Variants in TRIM23 observed in about 807,000 individuals in gnomAD.
TRIM23 encodes the protein tripartite motif containing 23, also known as E3 ubiquitin-protein ligase TRIM23.
Under a neutral mutation model 71.0 loss-of-function variants are expected in TRIM23, and 27 were observed. That is an observed-to-expected ratio of 0.38 (90% confidence interval 0.28 to 0.52). The LOEUF is 0.52. Ranked by LOEUF, TRIM23 falls within the 20% of genes least tolerant of loss-of-function variation. The pLI is 0.84. For missense variants in TRIM23, 482 were observed against 692.3 expected (o/e 0.70, Z 3.41); for synonymous variants, 234 against 238.0 (o/e 0.98, Z 0.16).
chr5:65,591,549 TTC>T lies in TRIM23; in HGVS notation c.*218_*219del. 1 of 1,445,218 alleles carries T rather than the reference TTC, an allele frequency of 6.9e-7. No individual in the cohort carries two copies. Among genetic ancestry groups the T allele is most frequent in the Non-Finnish European group, 9.2e-7 (1 of 1,082,502 alleles). 89.5% of individuals were successfully genotyped at this position (1,445,218 alleles called of 1,614,324 possible). A position where few individuals can be genotyped will look rare whatever the true frequency, so the allele number is the denominator to read the frequency against. ...TTAAAAGAATGTATATTCAATAAGT[TTC>T]TATTTAATTCAATCTAATCTGCTCA... On this transcript the variant is annotated 3_prime_UTR_variant, in exon 11 of 11. Transcript: ENST00000231524.
rs1395468240 is a variant in TRIM23 at position 65,617,522 on chromosome 5, A to T, written c.244+571T>A. 3.9e-5 allele frequency among the ~76,000 whole-genome samples: 6 copies of T among 152,228 alleles called. No individual in the cohort carries two copies. In the East Asian group the frequency reaches 1.2e-3, roughly 29 times the overall value. On this transcript the variant is annotated intron_variant, in intron 2 of 10. Transcript: ENST00000231524. Reference sequence around the variant, plus strand: ...ATGTTAGTAAATGCTATTATTTCCAAATCTGGTATCTGAAAATAACTTAGT... The same window carrying T: ...ATGTTAGTAAATGCTATTATTTCCATATCTGGTATCTGAAAATAACTTAGT...
In TRIM23 at chr5:65,597,060, G is replaced by T; in HGVS notation, c.1300C>A (p.Pro434Thr). The T allele has an allele frequency of 1.2e-6, 2 of 1,613,940 alleles. No individual in the cohort carries two copies. Among genetic ancestry groups the T allele is most frequent in the Non-Finnish European group, 1.7e-6 (2 of 1,179,926 alleles). The part of the protein sequence containing the change: ...LKQDEFMQPI[P>T]TIGFNVETVE... ...CAATATTCATACTTACCAATTGTTG[G>T]AATGGGCTGCATGAATTCATCCTGT... The change falls in exon 8 of 11, where the codon CCA becomes ACA. Residue 434 changes from proline (P) to threonine (T), a missense_variant. This residue lies in a region of TRIM23 where 307 missense variants were observed against 495.8 expected (regional missense o/e 0.62). Transcript: ENST00000231524.
intron 7 of TRIM23, among the ~76,000 whole-genome samples, chr5:65,598,184 T>C (rs1303152572): frequency 6.6e-6 from 1 of 152,200 alleles, no homozygotes; most frequent in South Asian, 2.1e-4. Flanking sequence ...TTAATTACCA[T>C]GTATATTATG....
chr5:65,598,992 A>C (rs985152151), intron 7 of TRIM23, among the ~76,000 whole-genome samples: 4 of 152,200 alleles, frequency 2.6e-5, no homozygotes, highest in Non-Finnish European at 5.9e-5. Context: ...CCATATAAGA[A>C]ATGCCCACAG....
Position 65,617,929 on chromosome 5 carries a change from A to G in TRIM23, c.244+164T>C, listed in dbSNP as rs117121111. Among the ~76,000 whole-genome samples the G allele has an allele frequency of 2.8e-4, 43 of 152,356 alleles. 1 individual carries two copies. In the East Asian group the frequency reaches 8.1e-3, roughly 29 times the overall value. ...TAAAATTAGTAACTAAGAGTGAGAT[A>G]GTTTATAGCTTGAAGATTATTGACC... On this transcript the variant is annotated intron_variant, in intron 2 of 10. Coordinates refer to ENST00000231524, the MANE Select transcript of TRIM23 (RefSeq NM_001656.4).
chr5:65,591,192 T>G lies in TRIM23; in HGVS notation c.*577A>C. On this transcript the variant is annotated 3_prime_UTR_variant, in exon 11 of 11. Coordinates refer to ENST00000231524, the MANE Select transcript of TRIM23 (RefSeq NM_001656.4). Reference sequence around the variant, plus strand: ...AAAACACTATATAAAGTATTAATTTTCTGTACCTTATAGTTCTTAGCATTA... The same window carrying G: ...AAAACACTATATAAAGTATTAATTTGCTGTACCTTATAGTTCTTAGCATTA... 1 of 1,153,362 alleles carries G rather than the reference T, an allele frequency of 8.7e-7. No individual in the cohort carries two copies. The highest frequency in any genetic ancestry group is 1.1e-6 in the Non-Finnish European group (1 of 936,082). The allele number at this position is 1,153,362 out of a possible 1,614,324, so 71.4% of individuals were successfully genotyped here.
chr5:65,604,010 C>A (rs1417085091), intron 7 of TRIM23, among the ~76,000 whole-genome samples: 23 of 150,374 alleles, frequency 1.5e-4, no homozygotes, highest in Non-Finnish European at 1.5e-5. Context: ...CCAGGCTGGT[C>A]TTGAAGTCTT....
At chr5:65,610,646 G>C (rs1409489397) in intron 5 of TRIM23, among the ~76,000 whole-genome samples, 3 of 152,124 alleles carry the variant, frequency 2.0e-5, no homozygotes, top group African/African-American at 7.2e-5. Context: ...TGATGCCAAA[G>C]CACCCTGTAC....
At chr5:65,610,406 C>T (rs1041187004) in intron 5 of TRIM23, among the ~76,000 whole-genome samples, 4 of 152,222 alleles carry the variant, frequency 2.6e-5, no homozygotes, top group Non-Finnish European at 5.9e-5. Flanking sequence ...ATCCTCTTTT[C>T]TTGTCATGTC....
Position 65,594,537 on chromosome 5 carries a change from A to G in TRIM23, c.1529T>C (p.Ile510Thr). ...EKELRDALLL[I>T]FANKQDVAGA... is the part of the protein sequence containing the mutation. ...ATGCATTACCTGTTTGTTAGCAAAA[A>G]TCAGGAGCAGAGCATCTCGGAGTTC... The change falls in exon 10 of 11, where the codon ATT becomes ACT. Residue 510 changes from isoleucine to threonine, a missense_variant. Ile to Thr is a moderately conservative substitution (Grantham distance 89). This residue lies in a region of TRIM23 where 307 missense variants were observed against 495.8 expected (regional missense o/e 0.62). Coordinates refer to ENST00000231524, the MANE Select transcript of TRIM23 (RefSeq NM_001656.4). The G allele has an allele frequency of 6.2e-7, 1 of 1,609,692 alleles. No individual in the cohort carries two copies. Among genetic ancestry groups the G allele is most frequent in the South Asian group, 1.1e-5 (1 of 89,734 alleles).
intron 10 of TRIM23, among the ~76,000 whole-genome samples, chr5:65,593,535 G>T (rs962873311): frequency 6.6e-6 from 1 of 152,130 alleles, no homozygotes; most frequent in Admixed American, 6.5e-5. Flanking sequence ...TGACTTATTT[G>T]CATGTCTTAA....
intron 3 of TRIM23, among the ~76,000 whole-genome samples, chr5:65,612,622 C>G (rs1754683150): frequency 6.6e-6 from 1 of 151,928 alleles, no homozygotes; most frequent in Non-Finnish European, 1.5e-5. Context: ...AGTAAGAGAC[C>G]AGCCTGGCCA....
intron 3 of TRIM23, chr5:65,613,782 T>C (rs1224722634): frequency 1.6e-6 from 2 of 1,270,356 alleles, no homozygotes; most frequent in Non-Finnish European, 2.0e-6. Context: ...TGCATCCTCT[T>C]CTCTACTGTT....
At position 65,591,213 on chromosome 5, in the gene TRIM23, C is replaced by T. The variant is rs1307619263; in HGVS notation, c.*556G>A. The T allele has an allele frequency of 1.1e-5, 13 of 1,220,318 alleles. No homozygotes were observed. Among genetic ancestry groups the T allele is most frequent in the Non-Finnish European group, 1.3e-5 (13 of 978,212 alleles). The allele number at this position is 1,220,318 out of a possible 1,614,324, so 75.6% of individuals were successfully genotyped here. A position where few individuals can be genotyped will look rare whatever the true frequency, so the allele number is the denominator to read the frequency against. ...ATTTTCTGTACCTTATAGTTCTTAG[C>T]ATTAAAGGTGTTCTGTTAACTCTGA... is the stretch of plus-strand genomic sequence containing the variant. On this transcript the variant is annotated 3_prime_UTR_variant, in exon 11 of 11. Transcript: ENST00000231524.
chr5:65,604,893 T>TA lies in TRIM23; in HGVS notation c.1179+17dup, dbSNP rs1442514886. 1 of 1,561,786 alleles carries TA rather than the reference T, an allele frequency of 6.4e-7. No homozygotes were observed. Among genetic ancestry groups the TA allele is most frequent in the East Asian group, 2.3e-5 (1 of 43,536 alleles). On this transcript the variant is annotated intron_variant, in intron 7 of 10. Coordinates refer to ENST00000231524, the MANE Select transcript of TRIM23 (RefSeq NM_001656.4). ...ATTTGTCAGAAAAAATACCTAAAAA[T>TA]AAAGTACAGTACATTACCTTTGTAA... is the stretch of plus-strand genomic sequence containing the variant.
chr5:65,597,000 G>A (rs1429509899), intron 8 of TRIM23, 51 bp downstream of exon 8: 3 of 1,598,198 alleles, frequency 1.9e-6, no homozygotes, highest in Admixed American at 3.4e-5. Context: ...CAAGAACTTG[G>A]CTGTAAGCTA....
intron 1 of TRIM23, among the ~76,000 whole-genome samples, chr5:65,618,559 T>C (rs947007547): frequency 1.3e-5 from 2 of 152,350 alleles, no homozygotes; most frequent in African/African-American, 4.8e-5. Context: ...TCTGAATCTG[T>C]ACAAACAATA....
At chr5:65,614,865 T>C (rs1055148067) in intron 2 of TRIM23, among the ~76,000 whole-genome samples, 1 of 152,172 alleles carries the variant, frequency 6.6e-6, no homozygotes, top group Admixed American at 6.6e-5. Context: ...GTTATACATA[T>C]ATTTTGCCAC....
chr5:65,621,837 T>A (rs974961039), intron 1 of TRIM23, among the ~76,000 whole-genome samples: 1 of 151,092 alleles, frequency 6.6e-6, no homozygotes, highest in Non-Finnish European at 1.5e-5. Flanking sequence ...TTATTATTAT[T>A]TTTTTTTTGA....
Sources: allele counts gnomAD v4.1 joint callset (sites outside exome capture counted in the v4.1 genomes callset), GRCh38; gene constraint gnomAD v4.1.1; regional missense constraint gnomAD v4.1.1; transcripts MANE v1.5; gene names NCBI Gene and HGNC (gene_info 2026-07-23, HGNC 2026-07-21).